Variants in CHN2 observed in about 807,000 individuals in gnomAD.
CHN2 encodes chimerin 2, also known as beta-chimaerin.
CHN2 carries 35 observed loss-of-function variants against 56.3 expected under a neutral mutation model. That is an observed-to-expected ratio of 0.62 (90% CI 0.47 to 0.82). CHN2 has a LOEUF of 0.82. Ranked by LOEUF, CHN2 falls within the 40% of genes least tolerant of loss-of-function variation. The probability of loss-of-function intolerance (pLI) is 0.00; values close to 1 mark genes in which losing one functional copy is unlikely to be tolerated. For synonymous variants in CHN2, 210 were observed against 212.8 expected, an observed-to-expected ratio of 0.99 and a Z score of 0.12; for missense variants, 491 against 580.5, an observed-to-expected ratio of 0.85 and a Z score of 1.58.
chr7:29,213,219 T>C, intron 1 of CHN2: 1 of 1,141,850 alleles, frequency 8.8e-7, no homozygotes, highest in Non-Finnish European at 1.3e-6. Flanking sequence ...TGTGTGAAGA[T>C]GAGTGAAATT....
At chr7:29,437,842 A>G (rs1036653798) in intron 6 of CHN2, among the ~76,000 whole-genome samples, 3 of 152,178 alleles carry the variant, frequency 2.0e-5, no homozygotes, top group Non-Finnish European at 4.4e-5. Flanking sequence ...AAATATACAA[A>G]TATATATACA....
At chr7:29,356,500 T>C (rs1798327796) in intron 2 of CHN2, among the ~76,000 whole-genome samples, 1 of 152,170 alleles carries the variant, frequency 6.6e-6, no homozygotes, top group Non-Finnish European at 1.5e-5. Flanking sequence ...GCTCTGTGAA[T>C]GTGGGGAGGG....
chr7:29,169,487 A>T lies in CHN2; in HGVS notation c.274+22527A>T, dbSNP rs185235501. ...GTTTATATACAATAATGTTATGTTA[A>T]AAATAAATACAACTGTTTTGTTATT... On this transcript the variant is annotated intron_variant, in intron 2 of 6. Transcript: ENST00000439384. Among the ~76,000 whole-genome samples the T allele has an allele frequency of 1.5e-4, 23 of 152,314 alleles. No individual in the cohort carries two copies. In the East Asian group the frequency reaches 4.4e-3, roughly 29 times the overall value.
Position 29,179,136 on chromosome 7 carries a change from C to T in CHN2, c.274+32176C>T, listed in dbSNP as rs564229820. Among the ~76,000 whole-genome samples, 4 of 152,264 alleles carry T rather than the reference C, an allele frequency of 2.6e-5. No homozygotes were observed. In the South Asian group the frequency reaches 8.3e-4, roughly 32 times the overall value. ...GTCCTCATGGACCCTTTGAAAACAG[C>T]CCCTCCATTTTCTTTTTGCCAAGCT... On this transcript the variant is annotated intron_variant, in intron 2 of 6. Coordinates refer to the CHN2 transcript ENST00000439384.
chr7:29,447,688 A>G (rs964287228), intron 6 of CHN2, among the ~76,000 whole-genome samples: 3 of 152,186 alleles, frequency 2.0e-5, no homozygotes, highest in Non-Finnish European at 2.9e-5. Context: ...GCACAAGGAC[A>G]GTTTTTGGTG....
intron 6 of CHN2, chr7:29,480,019 C>T (rs1352482066): frequency 1.1e-5 from 16 of 1,509,470 alleles, no homozygotes; most frequent in African/African-American, 2.8e-5. Flanking sequence ...TCAAATCTGC[C>T]GCCTAACATA....
At chr7:29,233,000 A>C (rs1786844281) in intron 1 of CHN2, among the ~76,000 whole-genome samples, 1 of 152,080 alleles carries the variant, frequency 6.6e-6, no homozygotes, top group Non-Finnish European at 1.5e-5. Flanking sequence ...ACATTATTTC[A>C]ACGATTTATA....
chr7:29,400,686 C>T lies in CHN2; in HGVS notation c.434C>T (p.Ser145Leu). ...YIETKAAEYI[S>L]KMTTNPIYEH... is the part of the protein sequence containing the mutation. Reference sequence around the variant, plus strand: ...GAAACAAAAGCTGCCGAGTACATTTCAAAAATGACAACTAACCCCATCTAT... The same window carrying T: ...GAAACAAAAGCTGCCGAGTACATTTTAAAAATGACAACTAACCCCATCTAT... The change falls in exon 6 of 13, where the codon TCA becomes TTA. Residue 145 changes from serine (S) to leucine (L), a missense_variant. Coordinates refer to ENST00000222792, the MANE Select transcript of CHN2 (RefSeq NM_004067.4). 6.2e-7 allele frequency: 1 copy of T among 1,614,116 alleles called. No homozygotes were observed. The highest frequency in any genetic ancestry group is 8.5e-7 in the Non-Finnish European group (1 of 1,180,028).
chr7:29,310,464 G>A (rs1017174153), intron 1 of CHN2, among the ~76,000 whole-genome samples: 3 of 152,348 alleles, frequency 2.0e-5, no homozygotes, highest in East Asian at 1.9e-4. Context: ...GCTTAGTTCA[G>A]TAAATGGGAT....
intron 6 of CHN2, among the ~76,000 whole-genome samples, chr7:29,437,143 T>C (rs1238239398): frequency 2.6e-5 from 4 of 152,142 alleles, no homozygotes; most frequent in Non-Finnish European, 5.9e-5. Context: ...AATTTTTCAG[T>C]ATTTTATTGC....
At chr7:29,173,092 A>G (rs558318581) in intron 2 of CHN2, among the ~76,000 whole-genome samples, 12 of 151,162 alleles carry the variant, frequency 7.9e-5, no homozygotes, top group South Asian at 2.1e-4. Flanking sequence ...GATTGCGCCA[A>G]TGTACTCCAG....
chr7:29,415,059 A>C (rs1432818503), intron 6 of CHN2, among the ~76,000 whole-genome samples: 1 of 152,054 alleles, frequency 6.6e-6, no homozygotes, highest in Non-Finnish European at 1.5e-5. Context: ...AACTATTAAT[A>C]ATTAATAATA....
At chr7:29,249,847 G>T (rs898684340) in intron 1 of CHN2, among the ~76,000 whole-genome samples, 3 of 152,196 alleles carry the variant, frequency 2.0e-5, no homozygotes, top group Non-Finnish European at 4.4e-5. Flanking sequence ...TTCAGGAATG[G>T]TAGCGACATG....
intron 6 of CHN2, among the ~76,000 whole-genome samples, chr7:29,468,264 C>G (rs932626955): frequency 1.3e-5 from 2 of 151,016 alleles, no homozygotes; most frequent in Non-Finnish European, 2.9e-5. Context: ...CTGGGGGAAG[C>G]AGGACTGACC....
chr7:29,453,814 C>T (rs555474038), intron 6 of CHN2, among the ~76,000 whole-genome samples: 1 of 152,148 alleles, frequency 6.6e-6, no homozygotes, highest in Non-Finnish European at 1.5e-5. Context: ...AAGATTCACT[C>T]GGGTCCTTTG....
intron 3 of CHN2, among the ~76,000 whole-genome samples, chr7:29,369,998 T>C (rs1030283934): frequency 6.6e-6 from 1 of 152,228 alleles, no homozygotes; most frequent in African/African-American, 2.4e-5. Context: ...TGGAGATTCA[T>C]CAGCTCCCTT....
chr7:29,185,545 T>A lies in CHN2; in HGVS notation c.274+38585T>A, dbSNP rs533907599. ...AGTCAAGCTCTTCAACAATATAATC[T>A]GTTCTCTGAATCTCATTTCTCTTAT... On this transcript the variant is annotated intron_variant, in intron 2 of 6. Transcript: ENST00000439384. The A allele has an allele frequency of 3.9e-5, 6 of 152,218 alleles. No individual in the cohort carries two copies. The East Asian group carries it at 1.2e-3, about 29-fold the overall frequency. 9.4% of individuals were successfully genotyped at this position (152,218 alleles called of 1,614,324 possible).
chr7:29,445,107 C>T (rs1326837017), intron 6 of CHN2: 9 of 455,720 alleles, frequency 2.0e-5, no homozygotes, highest in African/African-American at 1.2e-4. Flanking sequence ...TTCTCCTCCA[C>T]GCTTTCTTCT....
At chr7:29,494,386 A>G (rs1174587849) in intron 7 of CHN2, among the ~76,000 whole-genome samples, 3 of 152,142 alleles carry the variant, frequency 2.0e-5, no homozygotes, top group Non-Finnish European at 4.4e-5. Context: ...TTTCTAGTAA[A>G]ATATTAAGAA....
Sources: gnomAD v4.1 joint callset for allele counts (sites outside exome capture counted in the v4.1 genomes callset) on GRCh38, gnomAD v4.1.1 for gene constraint, MANE v1.5 for transcripts, NCBI Gene and HGNC (gene_info 2026-07-23, HGNC 2026-07-21) for gene names.